Variants in SSTR3 observed in about 807,000 individuals in gnomAD.
SSTR3 encodes somatostatin receptor type 3.
For synonymous variants in SSTR3, 281 were observed against 269.2 expected, an observed-to-expected ratio of 1.04 and a Z score of -0.43; for missense variants, 504 against 604.7, an observed-to-expected ratio of 0.83 and a Z score of 1.75.
At chr22:37,211,645 G>A (rs1345923463) in intron 1 of SSTR3, among the ~76,000 whole-genome samples, 180 bp downstream of exon 1, 1 of 152,096 alleles carries the variant, frequency 6.6e-6, no homozygotes, top group Non-Finnish European at 1.5e-5. Flanking sequence ...ACGAGATTCT[G>A]AGACTAACGC....
In SSTR3 at chr22:37,207,770, T is replaced by C; in HGVS notation, c.34A>G (p.Thr12Ala). Residue 12 changes from threonine (T) to alanine (A), a missense_variant, in exon 2 of 2, where the codon ACC becomes GCC. Coordinates refer to ENST00000610913, the MANE Select transcript of SSTR3 (RefSeq NM_001051.5). ...DMLHPSSVST[T>A]SEPENASSAW... ...GAGGAGGCATTCTCAGGTTCTGAGG[T>C]CGTGGACACCGATGATGGATGAAGC... 6.6e-7 allele frequency: 1 copy of C among 1,514,170 alleles called. No homozygotes were observed. Among genetic ancestry groups the C allele is most frequent in the South Asian group, 1.3e-5 (1 of 75,226 alleles). 93.8% of individuals were successfully genotyped at this position (1,514,170 alleles called of 1,614,324 possible).
At chr22:37,215,571 A>G (rs1218903610), upstream of SSTR3, among the ~76,000 whole-genome samples, 2 of 152,188 alleles carry the variant, frequency 1.3e-5, no homozygotes, top group Non-Finnish European at 2.9e-5. Context: ...CCTATGTATT[A>G]CTGAACCCAG....
chr22:37,218,663 G>GACA, the SSTR3 span, among the ~76,000 whole-genome samples: 63,462 of 151,660 alleles, frequency 0.42, 13,777 homozygotes, highest in Non-Finnish European at 0.48. Context: ...TCATCGAATT[G>GACA]ACATCTCCAA....
chr22:37,212,143 G>A lies in SSTR3; in HGVS notation c.-355C>T, dbSNP rs951786015. 1.2e-5 allele frequency: 12 copies of A among 985,280 alleles called. No individual in the cohort carries two copies. Among genetic ancestry groups the A allele is most frequent in the Non-Finnish European group, 1.4e-5 (12 of 830,054 alleles). 61.0% of individuals were successfully genotyped at this position (985,280 alleles called of 1,614,324 possible). ...AAGCTTCCCAGGGTGAGGAAGAGAA[G>A]AGGGGAGCAAGGGACACAGAAGCCA... On this transcript the variant is annotated 5_prime_UTR_variant, in exon 1 of 2. Transcript: ENST00000610913.
At chr22:37,211,785 C>G (rs1926205252) in intron 1 of SSTR3, 40 bp downstream of exon 1, 2 of 985,318 alleles carry the variant, frequency 2.0e-6, no homozygotes, top group South Asian at 4.7e-5. Context: ...CTTCCAGGAC[C>G]CCACCCTTCG....
At chr22:37,214,040 G>A (rs1335214463), upstream of SSTR3, among the ~76,000 whole-genome samples, 1 of 152,144 alleles carries the variant, frequency 6.6e-6, no homozygotes, top group Non-Finnish European at 1.5e-5. Context: ...TGCCTGGCCT[G>A]GGGGTTCTTG....
chr22:37,217,054 G>A (rs981807457), upstream of SSTR3, among the ~76,000 whole-genome samples: 2 of 152,132 alleles, frequency 1.3e-5, no homozygotes, highest in African/African-American at 4.8e-5. Flanking sequence ...ACCTGCCTCA[G>A]CCTCCCAAAG....
chr22:37,207,809 A>C lies in SSTR3; in HGVS notation c.-6T>G. ...GATGGATGAAGCATGTCCATGGCTG[A>C]GGGGAGGGTGGTCAGCAGTCAGCTA... On this transcript the variant is annotated 5_prime_UTR_variant, in exon 2 of 2. Coordinates refer to ENST00000610913, the MANE Select transcript of SSTR3 (RefSeq NM_001051.5). The C allele has an allele frequency of 2.7e-6, 4 of 1,498,152 alleles. No individual in the cohort carries two copies. Among genetic ancestry groups the C allele is most frequent in the Non-Finnish European group, 3.6e-6 (4 of 1,124,204 alleles). The allele number at this position is 1,498,152 out of a possible 1,614,324, so 92.8% of individuals were successfully genotyped here.
upstream of SSTR3, among the ~76,000 whole-genome samples, chr22:37,216,612 C>T (rs1489534004): frequency 1.3e-5 from 2 of 152,252 alleles, no homozygotes; most frequent in Non-Finnish European, 2.9e-5. Context: ...TGGAGACTGA[C>T]GAGCTCCTCT....
chr22:37,206,970 G>A lies in SSTR3; in HGVS notation c.834C>T (p.Ile278=), dbSNP rs568818068. The A allele has an allele frequency of 2.4e-5, 39 of 1,612,396 alleles. No homozygotes were observed. The highest frequency in any genetic ancestry group is 5.0e-5 in the Admixed American group (3 of 60,010). The change falls in exon 2 of 2, where the codon ATC becomes ATT. Residue 278 remains isoleucine (I), a synonymous_variant. Coordinates refer to ENST00000610913, the MANE Select transcript of SSTR3 (RefSeq NM_001051.5). ...LCWMPFYVLN[I]VNVVCPLPEE... ...CGGGCAGTGGGCACACCACGTTGAC[G>A]ATGTTGAGCACGTAGAAGGGCATCC...
At chr22:37,208,109 G>A (rs1480356819) in intron 1 of SSTR3, among the ~76,000 whole-genome samples, 1 of 152,210 alleles carries the variant, frequency 6.6e-6, no homozygotes, top group African/African-American at 2.4e-5. Context: ...AGGGTGTGGT[G>A]TGTGGCATGA....
At position 37,210,078 on chromosome 22, in the gene SSTR3, G is replaced by A. The variant is rs1043563611; in HGVS notation, c.-37+1747C>T. Among the ~76,000 whole-genome samples, 19 of 152,172 alleles carry A rather than the reference G, an allele frequency of 1.2e-4. 1 individual carries two copies. The highest frequency in any genetic ancestry group is 2.4e-4 in the Non-Finnish European group (16 of 68,010). On this transcript the variant is annotated intron_variant, in intron 1 of 1. Coordinates refer to ENST00000610913, the MANE Select transcript of SSTR3 (RefSeq NM_001051.5). ...GTCCTGCCTCCCTGGTAGGGGACCC[G>A]CGTCACCATCCACCTTGCTGCCCTG...
chr22:37,215,819 T>C, upstream of SSTR3: 1 of 289,860 alleles, frequency 3.4e-6, no homozygotes, highest in Admixed American at 3.5e-5. Flanking sequence ...ACAGATCCAC[T>C]GGGGAATGGG....
Position 37,207,465 on chromosome 22 carries a change from G to A in SSTR3, c.339C>T (p.Ser113=), listed in dbSNP as rs1264409144. ...CCGCCATGACCAGGCGGCACATGAG[G>A]GAGCCGAAGGGCCAGTAGGACAGGG... The part of the protein sequence containing the change: ...QNALSYWPFG[S]LMCRLVMAVD... The change falls in exon 2 of 2, where the codon TCC becomes TCT. Residue 113 remains serine, a synonymous_variant. Transcript: ENST00000610913. 1.2e-6 allele frequency: 2 copies of A among 1,613,584 alleles called. No individual in the cohort carries two copies. Among genetic ancestry groups the A allele is most frequent in the Non-Finnish European group, 1.7e-6 (2 of 1,180,016 alleles).
chr22:37,209,265 C>A (rs35911545), intron 1 of SSTR3, among the ~76,000 whole-genome samples: 1 of 152,210 alleles, frequency 6.6e-6, no homozygotes, highest in Non-Finnish European at 1.5e-5. Context: ...CCTCTGAGCA[C>A]GCCTGGCTAC....
chr22:37,210,471 TTC>T, intron 1 of SSTR3: 1 of 971,740 alleles, frequency 1.0e-6, no homozygotes, highest in Non-Finnish European at 1.2e-6. Flanking sequence ...TCAGCCGGTC[TTC>T]CCTGTCAAAG....
At chr22:37,218,698 C>G in the SSTR3 span, among the ~76,000 whole-genome samples, 1 of 151,870 alleles carries the variant, frequency 6.6e-6, no homozygotes, top group Non-Finnish European at 1.5e-5. Flanking sequence ...CTCACCCCCA[C>G]TCTGCCCTGT....
At chr22:37,219,989 C>CT in the SSTR3 span, among the ~76,000 whole-genome samples, 1 of 152,294 alleles carries the variant, frequency 6.6e-6, no homozygotes, top group East Asian at 1.9e-4. Flanking sequence ...ATTCATTCTG[C>CT]ATGGATTAGG....
Position 37,212,070 on chromosome 22 carries a change from C to A in SSTR3, c.-282G>T. ...AACCAGAGCCTGGTACGTCACCCCC[C>A]ATCTCCAGGACACATCCTGGGGGGG... On this transcript the variant is annotated 5_prime_UTR_variant, in exon 1 of 2. It removes an upstream start codon present in the reference 5' UTR. Coordinates refer to ENST00000610913, the MANE Select transcript of SSTR3 (RefSeq NM_001051.5). 1.0e-6 allele frequency: 1 copy of A among 985,720 alleles called. No individual in the cohort carries two copies. The highest frequency in any genetic ancestry group is 4.7e-5 in the South Asian group (1 of 21,298). 61.1% of individuals were successfully genotyped at this position (985,720 alleles called of 1,614,324 possible).
Sources: gnomAD v4.1 joint callset for allele counts (sites outside exome capture counted in the v4.1 genomes callset) on GRCh38, gnomAD v4.1.1 for gene constraint, MANE v1.5 for transcripts, NCBI Gene and HGNC (gene_info 2026-07-23, HGNC 2026-07-21) for gene names.